The following TOX variants were observed in gnomAD, a reference collection of about 807,000 sequenced individuals.
TOX encodes the protein thymocyte selection associated high mobility group box, also known as thymocyte selection-associated high mobility group box protein TOX.
Under a neutral mutation model 53.7 loss-of-function variants are expected in TOX, and 11 were observed. The observed-to-expected ratio is 0.20, with a 90% CI of 0.13 to 0.34. The LOEUF is 0.34. TOX is among the 10% of genes least tolerant of loss of function. The pLI is 1.00. For missense variants in TOX, 570 were observed against 664.6 expected (o/e 0.86, Z 1.56); for synonymous variants, 225 against 245.3 (o/e 0.92, Z 0.77).
At chr8:59,050,089 CCTTGTGCATTTT>C (rs2129421244) in intron 1 of TOX, among the ~76,000 whole-genome samples, 1 of 152,266 alleles carries the variant, frequency 6.6e-6, no homozygotes, top group African/African-American at 2.4e-5. Flanking sequence ...TAACCTATTC[CCTTGTGCATTTT>C]CTATCACTGC....
intron 3 of TOX, among the ~76,000 whole-genome samples, chr8:58,918,624 A>T (rs1234230331): frequency 2.7e-5 from 1 of 36,796 alleles, no homozygotes; most frequent in East Asian, 6.8e-4. Context: ...AACTGGAAGC[A>T]TTCCCTTTGA....
chr8:59,095,714 T>C (rs1238630269), intron 1 of TOX, among the ~76,000 whole-genome samples: 1 of 152,232 alleles, frequency 6.6e-6, no homozygotes, highest in Non-Finnish European at 1.5e-5. Context: ...TTAAAAATAA[T>C]TTTAAAAAGA....
At chr8:58,892,207 A>G (rs559741877) in intron 3 of TOX, among the ~76,000 whole-genome samples, 1 of 152,316 alleles carries the variant, frequency 6.6e-6, no homozygotes, top group East Asian at 1.9e-4. Flanking sequence ...GGTTCTCAGC[A>G]TTTCTTTATT....
At chr8:58,980,655 GA>G (rs1463484363) in intron 1 of TOX, among the ~76,000 whole-genome samples, 1 of 152,144 alleles carries the variant, frequency 6.6e-6, no homozygotes, top group East Asian at 1.9e-4. Flanking sequence ...GAAGGGGAAA[GA>G]AAAAAACCAA....
intron 3 of TOX, among the ~76,000 whole-genome samples, chr8:58,911,377 T>C (rs1811905538): frequency 6.6e-6 from 1 of 152,230 alleles, no homozygotes; most frequent in South Asian, 2.1e-4. Context: ...AATATCTAGT[T>C]TTACCCCAAA....
intron 1 of TOX, among the ~76,000 whole-genome samples, chr8:59,097,718 G>C (rs1479511587): frequency 6.6e-6 from 1 of 152,084 alleles, no homozygotes; most frequent in Non-Finnish European, 1.5e-5. Context: ...GGTATAGAAA[G>C]TCTCCATGGT....
intron 3 of TOX, among the ~76,000 whole-genome samples, chr8:58,898,939 T>C (rs1435976839): frequency 6.6e-6 from 1 of 152,192 alleles, no homozygotes; most frequent in East Asian, 1.9e-4. Flanking sequence ...AGGTAGGCAA[T>C]ATCATTCCCT....
At chr8:59,092,230 C>T (rs568724052) in intron 1 of TOX, among the ~76,000 whole-genome samples, 11 of 115,582 alleles carry the variant, frequency 9.5e-5, no homozygotes, top group South Asian at 2.5e-4. Context: ...CCAGCCTGGG[C>T]GAAAGAGCAA....
intron 5 of TOX, among the ~76,000 whole-genome samples, 200 bp downstream of exon 5, chr8:58,837,881 G>C (rs1810572495): frequency 6.6e-6 from 1 of 152,080 alleles, no homozygotes. Flanking sequence ...TGAAACAAAG[G>C]AATCAACATG....
chr8:59,078,737 A>T (rs1330417037), intron 1 of TOX, among the ~76,000 whole-genome samples: 1 of 152,212 alleles, frequency 6.6e-6, no homozygotes, highest in Non-Finnish European at 1.5e-5. Flanking sequence ...TGTGGAAGCA[A>T]TTTTGGAACT....
chr8:59,009,781 A>G (rs1409644177), intron 1 of TOX, among the ~76,000 whole-genome samples: 1 of 151,960 alleles, frequency 6.6e-6, no homozygotes, highest in Non-Finnish European at 1.5e-5. Flanking sequence ...TCAGCCCACC[A>G]CCTCAAAGCA....
At chr8:58,944,440 C>G (rs1459124255) in intron 2 of TOX, among the ~76,000 whole-genome samples, 1 of 152,186 alleles carries the variant, frequency 6.6e-6, no homozygotes, top group Non-Finnish European at 1.5e-5. Context: ...GGTAATCGCA[C>G]ATTTAGCTTA....
intron 6 of TOX, among the ~76,000 whole-genome samples, chr8:58,817,419 T>C (rs1233073472): frequency 2.0e-5 from 3 of 152,150 alleles, no homozygotes; most frequent in Non-Finnish European, 4.4e-5. Flanking sequence ...TAAGTAGATT[T>C]TTTTTGGCTT....
intron 1 of TOX, among the ~76,000 whole-genome samples, chr8:59,017,366 A>C (rs565948033): frequency 6.6e-6 from 1 of 152,232 alleles, no homozygotes; most frequent in East Asian, 1.9e-4. Context: ...AGTATTTTTC[A>C]CTAACTTCTT....
At chr8:59,031,166 T>C (rs980890486) in intron 1 of TOX, among the ~76,000 whole-genome samples, 2 of 152,034 alleles carry the variant, frequency 1.3e-5, no homozygotes, top group Admixed American at 6.6e-5. Flanking sequence ...ATGAATTAGA[T>C]TGGAGGAAGG....
chr8:59,030,853 A>C (rs905327527), intron 1 of TOX, among the ~76,000 whole-genome samples: 10 of 152,122 alleles, frequency 6.6e-5, no homozygotes, highest in Non-Finnish European at 1.3e-4. Context: ...ATTTCCTCTC[A>C]TTTTTTCTAT....
chr8:58,834,773 C>A (rs923283876), intron 5 of TOX, among the ~76,000 whole-genome samples: 1 of 152,140 alleles, frequency 6.6e-6, no homozygotes, highest in Admixed American at 6.5e-5. Flanking sequence ...TGACCCTCTC[C>A]CTGCTTGGTT....
intron 2 of TOX, among the ~76,000 whole-genome samples, chr8:58,941,812 G>A (rs557420298): frequency 6.6e-6 from 1 of 152,070 alleles, no homozygotes; most frequent in Admixed American, 6.6e-5. Context: ...TAGCATTTTG[G>A]GAGGCTGAGG....
chr8:58,957,540 A>G (rs75452395), intron 2 of TOX, among the ~76,000 whole-genome samples: 1,671 of 152,370 alleles, frequency 0.011, 36 homozygotes, highest in African/African-American at 0.038. Context: ...TAATTTTTAC[A>G]GTGTACTTCC....
Sources: gnomAD v4.1 joint callset for allele counts (sites outside exome capture counted in the v4.1 genomes callset) on GRCh38, gnomAD v4.1.1 for gene constraint, MANE v1.5 for transcripts, NCBI Gene and HGNC (gene_info 2026-07-23, HGNC 2026-07-21) for gene names.